Variants in NYNRIN observed in about 807,000 individuals in gnomAD.
NYNRIN encodes the protein NYN domain and retroviral integrase containing.
In NYNRIN, 86 loss-of-function variants were observed where a neutral mutation model predicts 146.6. The observed-to-expected ratio is 0.59, with a 90% confidence interval of 0.49 to 0.70. The LOEUF (loss-of-function observed/expected upper bound fraction) is 0.70, where lower values mean the gene tolerates loss of function less well. NYNRIN is among the 30% of genes least tolerant of loss of function. NYNRIN has a pLI of 0.00. For missense variants in NYNRIN, 2,191 were observed against 2,377.7 expected (o/e 0.92, Z 1.63); for synonymous variants, 1,027 against 1,001.3 (o/e 1.03, Z -0.48).
chr14:24,417,343 GC>G lies in NYNRIN; in HGVS notation c.5595del (p.Phe1866SerfsTer15). ...AGCCTGTCACTCTATAGGATATGGG[GC>G]TTCCCAACCCCAGAGAAGCTGGGGT... ...RLSLSLYRIW[G>X]FPTPEKLGCI... is the part of the protein sequence containing the mutation. On this transcript the variant is annotated frameshift_variant, in exon 9 of 9. Transcript: ENST00000382554. LOFTEE classifies it high-confidence loss of function. 6.2e-7 allele frequency: 1 copy of G among 1,605,388 alleles called. No homozygotes were observed. The highest frequency in any genetic ancestry group is 8.5e-7 in the Non-Finnish European group (1 of 1,175,164).
At position 24,415,363 on chromosome 14, in the gene NYNRIN, G is replaced by T. The variant is rs369114620; in HGVS notation, c.3614G>T (p.Gly1205Val). Reference sequence around the variant, plus strand: ...GAGGAGAGCCAGGGCCCCCAGTCAGGGGGTGACAGCCCCTATGCTGTGGCC... The same window carrying T: ...GAGGAGAGCCAGGGCCCCCAGTCAGTGGGTGACAGCCCCTATGCTGTGGCC... The part of the protein sequence containing the change: ...PDEESQGPQS[G>V]GDSPYAVAWA... The change falls in exon 9 of 9, where the codon GGG (glycine) becomes GTG (valine). Residue 1205 changes from glycine to valine, a missense_variant. Physicochemically the swap from Gly to Val is moderately radical, Grantham distance 109. Around this residue, in one of 3 missense-constraint regions of NYNRIN, gnomAD observed 1,291 missense variants for 1,417.0 expected, o/e 0.91. Transcript: ENST00000382554. 1.5e-5 allele frequency: 24 copies of T among 1,613,848 alleles called. No homozygotes were observed. The highest frequency in any genetic ancestry group is 1.9e-5 in the Non-Finnish European group (22 of 1,179,882).
chr14:24,412,714 G>A (rs1321344266), intron 6 of NYNRIN: 6 of 291,646 alleles, frequency 2.1e-5, no homozygotes, highest in Non-Finnish European at 3.9e-5. Flanking sequence ...GTCTGTGCTT[G>A]TCTATGTATG....
At position 24,418,036 on chromosome 14, in the gene NYNRIN, A is replaced by AGGGCAGGGCTGGCCATCC; in HGVS notation, c.*591_*608dup. The AGGGCAGGGCTGGCCATCC allele has an allele frequency of 3.1e-6, 1 of 320,834 alleles. No homozygotes were observed. Among genetic ancestry groups the AGGGCAGGGCTGGCCATCC allele is most frequent in the Non-Finnish European group, 6.1e-6 (1 of 163,764 alleles). The allele number at this position is 320,834 out of a possible 1,614,324, so 19.9% of individuals were successfully genotyped here. A position where few individuals can be genotyped will look rare whatever the true frequency, so the allele number is the denominator to read the frequency against. ...GCCAGGTGTGGCCTGCACAGCTCTC[A>AGGGCAGGGCTGGCCATCC]GGGCAGGGCTGGCCATCCTCCCAGG... On this transcript the variant is annotated 3_prime_UTR_variant, in exon 9 of 9. Coordinates refer to ENST00000382554, the MANE Select transcript of NYNRIN (RefSeq NM_025081.3).
rs1245330388 is a variant in NYNRIN, at chr14:24,409,200, A to G, written c.1406A>G (p.Lys469Arg). ...LLVVPGSSDVKDKVSSDLPQI... is the reference protein window; with the variant it reads ...LLVVPGSSDVRDKVSSDLPQI... ...GTGGTCCCTGGGAGCTCAGATGTAA[A>G]AGACAAAGTTAGCTCGGATCTCCCA... Residue 469 changes from lysine (K) to arginine (R), a missense_variant, in exon 4 of 9, where the codon AAA becomes AGA. This residue lies in a region of NYNRIN where 895 missense variants were observed against 941.2 expected (regional missense o/e 0.95). Transcript: ENST00000382554. 2 of 1,613,788 alleles carry G rather than the reference A, an allele frequency of 1.2e-6. No individual in the cohort carries two copies. The highest frequency in any genetic ancestry group is 3.3e-5 in the Admixed American group (2 of 59,996).
rs1189695615 is a variant in NYNRIN, at chr14:24,417,382, G to A, written c.5633G>A (p.Ser1878Asn). The change falls in exon 9 of 9, where the codon AGC becomes AAC. Residue 1878 changes from serine to asparagine, a missense_variant. Physicochemically the swap from Ser to Asn is conservative, Grantham distance 46 (BLOSUM62 1). This residue lies in a region of NYNRIN where 1,291 missense variants were observed against 1,417.0 expected (regional missense o/e 0.91). Coordinates refer to ENST00000382554, the MANE Select transcript of NYNRIN (RefSeq NM_025081.3). Reference protein sequence around the residue: ...TPEKLGCIYPSSLMKAFAKSG... With the variant: ...TPEKLGCIYPNSLMKAFAKSG... ...GAGAAGCTGGGGTGCATCTATCCCA[G>A]CAGTCTGATGAAGGCCTTTGCCAAG... is the stretch of plus-strand genomic sequence containing the variant. 1 of 1,580,954 alleles carries A rather than the reference G, an allele frequency of 6.3e-7. No individual in the cohort carries two copies. Among genetic ancestry groups the A allele is most frequent in the Non-Finnish European group, 8.6e-7 (1 of 1,161,856 alleles).
At position 24,410,009 on chromosome 14, in the gene NYNRIN, T is replaced by G; in HGVS notation, c.2215T>G (p.Phe739Val). Residue 739 changes from phenylalanine to valine, a missense_variant, in exon 4 of 9, where the codon TTT becomes GTT. Coordinates refer to ENST00000382554, the MANE Select transcript of NYNRIN (RefSeq NM_025081.3). The part of the protein sequence containing the change: ...GTLALSSKHQ[F>V]QMEGLLGAWE... ...CTTGGCCCTCAGCAGTAAGCACCAG[T>G]TTCAGATGGAGGGGCTCCTGGGGGC... The G allele has an allele frequency of 1.9e-6, 3 of 1,613,824 alleles. No homozygotes were observed. Among genetic ancestry groups the G allele is most frequent in the Non-Finnish European group, 2.5e-6 (3 of 1,179,816 alleles).
rs765153611 is a variant in NYNRIN, at chr14:24,415,425, AC to A, written c.3680del (p.Pro1227ArgfsTer29). 1 of 1,613,616 alleles carries A rather than the reference AC, an allele frequency of 6.2e-7. No individual in the cohort carries two copies. The highest frequency in any genetic ancestry group is 1.3e-5 in the African/African-American group (1 of 74,838). ...LKHFSRCIGD[T>X]PVVLDLSYAS... The stretch of plus-strand genomic sequence containing the variant: ...GCATTTTTCCCGCTGCATTGGAGAC[AC>A]CCCGGTGGTCCTGGACCTTTCCTAT... On this transcript the variant is annotated frameshift_variant, in exon 9 of 9. Coordinates refer to ENST00000382554, the MANE Select transcript of NYNRIN (RefSeq NM_025081.3). LOFTEE classifies it high-confidence loss of function.
chr14:24,416,783 G>A lies in NYNRIN; in HGVS notation c.5034G>A (p.Glu1678=), dbSNP rs1454055927. The part of the protein sequence containing the change: ...FARWGVPVRL[E]AAQGPQFARH... ...GGTGGGGTGTTCCTGTGAGGCTGGAGGCAGCCCAGGGGCCCCAGTTTGCCC... is the reference window on the plus strand; with the variant it reads ...GGTGGGGTGTTCCTGTGAGGCTGGAAGCAGCCCAGGGGCCCCAGTTTGCCC... Residue 1678 remains glutamate (E), a synonymous_variant, in exon 9 of 9, where the codon GAG becomes GAA. Transcript: ENST00000382554. 1.2e-6 allele frequency: 2 copies of A among 1,613,466 alleles called. No homozygotes were observed. Among genetic ancestry groups the A allele is most frequent in the East Asian group, 2.2e-5 (1 of 44,872 alleles).
In NYNRIN at chr14:24,415,332, C is replaced by T. The variant is rs777841839; in HGVS notation, c.3583C>T (p.Pro1195Ser). The T allele has an allele frequency of 1.9e-6, 3 of 1,613,952 alleles. No individual in the cohort carries two copies. Among genetic ancestry groups the T allele is most frequent in the South Asian group, 2.2e-5 (2 of 91,082 alleles). Reference sequence around the variant, plus strand: ...AGCCTATACCTCAAAACCCCTCCTCCCTGATGAGGAGAGCCAGGGCCCCCA... The same window carrying T: ...AGCCTATACCTCAAAACCCCTCCTCTCTGATGAGGAGAGCCAGGGCCCCCA... ...PIAYTSKPLL[P>S]DEESQGPQSG... Residue 1195 changes from proline (P) to serine (S), a missense_variant, in exon 9 of 9, where the codon CCT becomes TCT. By Grantham distance (74) the Pro-to-Ser change is moderately conservative. Around this residue, in one of 3 missense-constraint regions of NYNRIN, gnomAD observed 1,291 missense variants for 1,417.0 expected, o/e 0.91. Transcript: ENST00000382554.
rs2042964866 is a variant in NYNRIN at position 24,418,709 on chromosome 14, C to T, written c.*1263C>T. ...TCATTTCTCCGGAAGCTGAGCCAGT[C>T]TCCTGGTCTAGCCCAGGTTGCCAGA... On this transcript the variant is annotated 3_prime_UTR_variant, in exon 9 of 9. Coordinates refer to ENST00000382554, the MANE Select transcript of NYNRIN (RefSeq NM_025081.3). 6.2e-6 allele frequency: 1 copy of T among 160,986 alleles called. No homozygotes were observed. Among genetic ancestry groups the T allele is most frequent in the Non-Finnish European group, 1.4e-5 (1 of 73,214 alleles). 10.0% of individuals were successfully genotyped at this position (160,986 alleles called of 1,614,324 possible). A position where few individuals can be genotyped will look rare whatever the true frequency, so the allele number is the denominator to read the frequency against.
intron 1 of NYNRIN, 45 bp from the exon 2 acceptor site, chr14:24,399,185 T>C (rs2042823643): frequency 6.6e-7 from 1 of 1,519,052 alleles, no homozygotes; most frequent in African/African-American, 1.4e-5. Context: ...CTGGGGCGCC[T>C]GCCGCCCCGA....
rs970258281 is a variant in NYNRIN at position 24,418,957 on chromosome 14, A to T, written c.*1511A>T. The T allele has an allele frequency of 6.6e-6, 1 of 152,214 alleles. No individual in the cohort carries two copies. The highest frequency in any genetic ancestry group is 2.4e-5 in the African/African-American group (1 of 41,448). 9.4% of individuals were successfully genotyped at this position (152,214 alleles called of 1,614,324 possible). A position where few individuals can be genotyped will look rare whatever the true frequency, so the allele number is the denominator to read the frequency against. ...GAGAATCCTTCAAAATGCTACACCC[A>T]CATTCTCTCCAACTCTTCATCTCCC... On this transcript the variant is annotated 3_prime_UTR_variant, in exon 9 of 9. Transcript: ENST00000382554.
Position 24,416,855 on chromosome 14 carries a change from C to T in NYNRIN, c.5106C>T (p.Ala1702=). ...GGCTGGCCCTGGGAGCCCAGGTGGC[C>T]TCCCTGAGTCGGGACCTCCAGTTCC... ...SCGLALGAQV[A]SLSRDLQFPC... The change falls in exon 9 of 9, where the codon GCC becomes GCT. Residue 1702 remains alanine, a synonymous_variant. Coordinates refer to ENST00000382554, the MANE Select transcript of NYNRIN (RefSeq NM_025081.3). 2 of 1,608,358 alleles carry T rather than the reference C, an allele frequency of 1.2e-6. No homozygotes were observed. Among genetic ancestry groups the T allele is most frequent in the African/African-American group, 1.3e-5 (1 of 74,966 alleles).
intron 2 of NYNRIN, among the ~76,000 whole-genome samples, chr14:24,405,420 C>T (rs2042870527): frequency 6.6e-6 from 1 of 152,184 alleles, no homozygotes; most frequent in South Asian, 2.1e-4. Context: ...AAATACAGTG[C>T]TCTTTTTCTG....
At position 24,411,287 on chromosome 14, in the gene NYNRIN, A is replaced by G. The variant is rs2042911434; in HGVS notation, c.2546-67A>G. On this transcript the variant is annotated intron_variant, in intron 5 of 8. Transcript: ENST00000382554. The surrounding 1 kb of genome is among the most constrained non-coding windows in gnomAD (Gnocchi z 4.3). Reference sequence around the variant, plus strand: ...TGCCTTGCTGCCCCGACCCTCTGCCACCCCAGAGTGGCCATTTCCACTTAG... The same window carrying G: ...TGCCTTGCTGCCCCGACCCTCTGCCGCCCCAGAGTGGCCATTTCCACTTAG... 1.9e-6 allele frequency: 3 copies of G among 1,612,536 alleles called. No individual in the cohort carries two copies. The highest frequency in any genetic ancestry group is 2.5e-6 in the Non-Finnish European group (3 of 1,178,924).
intron 2 of NYNRIN, among the ~76,000 whole-genome samples, chr14:24,405,027 TGA>T (rs202207160): frequency 0.3 from 2,770 of 9,324 alleles, 115 homozygotes; most frequent in East Asian, 0.52. Context: ...TGTGTGTGTG[TGA>T]GAGAATGTGT....
intron 2 of NYNRIN, among the ~76,000 whole-genome samples, chr14:24,399,939 C>A (rs2042830734): frequency 6.6e-6 from 1 of 152,094 alleles, no homozygotes; most frequent in Admixed American, 6.5e-5. Flanking sequence ...ACTGGAGGGG[C>A]CTTTAGAGAT....
At position 24,413,051 on chromosome 14, in the gene NYNRIN, G is replaced by T; in HGVS notation, c.2697G>T (p.Gln899His). 1 of 1,602,376 alleles carries T rather than the reference G, an allele frequency of 6.2e-7. No individual in the cohort carries two copies. Among genetic ancestry groups the T allele is most frequent in the African/African-American group, 1.3e-5 (1 of 74,938 alleles). The part of the protein sequence containing the change: ...ETDGIIVTNE[Q>H]IHILMNSSKK... ...ATGGCATCATTGTCACCAATGAGCA[G>T]ATTCACATCCTGATGAATAGTTCCA... The change falls in exon 7 of 9, where the codon CAG becomes CAT. Residue 899 changes from glutamine to histidine, a missense_variant. Gln to His is a conservative substitution (Grantham distance 24, BLOSUM62 0). This residue lies in a region of NYNRIN where 1,291 missense variants were observed against 1,417.0 expected (regional missense o/e 0.91). Transcript: ENST00000382554.
rs2042892028 is a variant in NYNRIN at position 24,408,794 on chromosome 14, T to G, written c.1000T>G (p.Phe334Val). The G allele has an allele frequency of 6.2e-7, 1 of 1,614,050 alleles. No individual in the cohort carries two copies. The change falls in exon 4 of 9, where the codon TTC (phenylalanine) becomes GTC (valine). Residue 334 changes from phenylalanine to valine, a missense_variant. Phe to Val is a conservative substitution (Grantham distance 50). Coordinates refer to ENST00000382554, the MANE Select transcript of NYNRIN (RefSeq NM_025081.3). ...QVQKIEDKLL[F>V]QPPVSALGVC... The stretch of plus-strand genomic sequence containing the variant: ...CCAGAAGATAGAAGATAAACTCCTC[T>G]TCCAACCTCCAGTATCAGCCCTGGG...
Sources: gnomAD v4.1 joint callset for allele counts (sites outside exome capture counted in the v4.1 genomes callset) on GRCh38, gnomAD v4.1.1 for gene constraint, gnomAD v4.1.1 regional missense constraint, Gnocchi (gnomAD v3.1) non-coding constraint, MANE v1.5 for transcripts, NCBI Gene and HGNC (gene_info 2026-07-23, HGNC 2026-07-21) for gene names.